The following OPN3 variants were observed in gnomAD, a reference collection of about 807,000 sequenced individuals.
OPN3 encodes opsin 3, also known as opsin-3.
A neutral mutation model predicts 33.8 loss-of-function variants in OPN3; 29 were observed. The ratio of observed to expected loss-of-function variants is 0.86; its 90% confidence interval spans 0.64 to 1.17. The LOEUF (loss-of-function observed/expected upper bound fraction) is 1.17. OPN3 is among the 50% of genes most tolerant of loss of function. The pLI is 0.00. For synonymous variants in OPN3, 216 were observed against 216.1 expected (o/e 1.00, Z 0.00); for missense variants, 437 against 514.1 (o/e 0.85, Z 1.45).
intron 1 of OPN3, chr1:241,631,058 C>T (rs907203647): frequency 6.6e-6 from 1 of 152,152 alleles, no homozygotes; most frequent in African/African-American, 2.4e-5. Context: ...CATGGATAGA[C>T]ATTATTTAAA....
At chr1:241,634,327 A>AG in intron 1 of OPN3, 1 of 1,613,984 alleles carries the variant, frequency 6.2e-7, no homozygotes, top group Non-Finnish European at 8.5e-7. Context: ...GCTCTGCTGG[A>AG]GGAACTATCA....
At chr1:241,634,314 C>T (rs1315212121) in intron 1 of OPN3, 1 of 1,613,866 alleles carries the variant, frequency 6.2e-7, no homozygotes, top group Non-Finnish European at 8.5e-7. Flanking sequence ...GCACAAGCTC[C>T]TGGCTCTGCT....
chr1:241,635,951 T>C (rs757450913), intron 1 of OPN3: 19 of 589,482 alleles, frequency 3.2e-5, no homozygotes, highest in Non-Finnish European at 5.4e-5. Context: ...CATAAAAACA[T>C]GAGCAAGTAC....
At chr1:241,635,735 A>T in intron 1 of OPN3, 1 of 1,613,150 alleles carries the variant, frequency 6.2e-7, no homozygotes, top group Non-Finnish European at 8.5e-7. Flanking sequence ...TATTATAACC[A>T]CATCAAACTC....
At chr1:241,607,825 TATA>T (rs1663882044) in intron 1 of OPN3, among the ~76,000 whole-genome samples, 1 of 152,090 alleles carries the variant, frequency 6.6e-6, no homozygotes, top group African/African-American at 2.4e-5. Flanking sequence ...AAAGTAATGA[TATA>T]ATAGCAAATA....
intron 3 of OPN3, among the ~76,000 whole-genome samples, chr1:241,597,206 T>C (rs1164203928): frequency 1.3e-5 from 2 of 152,160 alleles, no homozygotes; most frequent in East Asian, 3.9e-4. Flanking sequence ...GGCCAATTGC[T>C]ACAAGTATCT....
intron 1 of OPN3, among the ~76,000 whole-genome samples, chr1:241,636,864 AC>A (rs1664917086): frequency 6.6e-6 from 1 of 152,098 alleles, no homozygotes; most frequent in East Asian, 1.9e-4. Context: ...TGTCTCTGCA[AC>A]CCTGAATCTC....
At chr1:241,604,668 T>C in intron 1 of OPN3, 89 bp from the exon 2 acceptor site, 3 of 1,183,448 alleles carry the variant, frequency 2.5e-6, no homozygotes, top group Non-Finnish European at 2.4e-6. Context: ...GGAAATACCT[T>C]ACAGAGTATC....
At position 241,604,297 on chromosome 1, in the gene OPN3, G is replaced by A. The variant is rs1663760474; in HGVS notation, c.656C>T (p.Ala219Val). ...ATATAGAATATGGCCATAGCAATGG[G>A]CTATGACACCCAGGGGCACCACCAG... is the stretch of plus-strand genomic sequence containing the variant. ...GCLVVPLGVI[A>V]HCYGHILYSI... The change falls in exon 2 of 4, where the codon GCC becomes GTC. Residue 219 changes from alanine (A) to valine (V), a missense_variant. Ala to Val is a moderately conservative substitution (Grantham distance 64, BLOSUM62 0). Transcript: ENST00000366554. 1 of 1,613,948 alleles carries A rather than the reference G, an allele frequency of 6.2e-7. No individual in the cohort carries two copies. The highest frequency in any genetic ancestry group is 8.5e-7 in the Non-Finnish European group (1 of 1,179,986).
Position 241,616,864 on chromosome 1 carries a change from G to A in OPN3, c.374-12285C>T, listed in dbSNP as rs115557485. Among the ~76,000 whole-genome samples the A allele has an allele frequency of 3.9e-5, 6 of 152,116 alleles. No homozygotes were observed. In the East Asian group the frequency reaches 1.2e-3, roughly 29 times the overall value. ...ACTCCCTGCTGTTTTTTACCTAAAG[G>A]ATCACTTTTTCAACTCAAAATATGA... On this transcript the variant is annotated intron_variant, in intron 1 of 3. Coordinates refer to ENST00000366554, the MANE Select transcript of OPN3 (RefSeq NM_014322.3).
At chr1:241,613,199 T>G (rs672477) in intron 1 of OPN3, among the ~76,000 whole-genome samples, 28,379 of 152,164 alleles carry the variant, frequency 0.19, 2,739 homozygotes, top group East Asian at 0.34. Context: ...CTAACACTTA[T>G]AGAGAGTACT....
At chr1:241,625,945 G>T (rs527872032) in intron 1 of OPN3, among the ~76,000 whole-genome samples, 1 of 152,304 alleles carries the variant, frequency 6.6e-6, no homozygotes, top group South Asian at 2.1e-4. Flanking sequence ...ATTCCCAGAT[G>T]TGAAAACCAG....
intron 1 of OPN3, chr1:241,632,986 G>T (rs1271793272): frequency 1.3e-5 from 2 of 152,126 alleles, no homozygotes; most frequent in East Asian, 3.9e-4. Flanking sequence ...TTACTTATTG[G>T]AAGCTATTTT....
chr1:241,624,907 C>A (rs1664372988), intron 1 of OPN3, among the ~76,000 whole-genome samples: 1 of 152,188 alleles, frequency 6.6e-6, no homozygotes, highest in African/African-American at 2.4e-5. Flanking sequence ...TTCACATTGT[C>A]TATTTACCCA....
chr1:241,613,474 A>G (rs905494732), intron 1 of OPN3, among the ~76,000 whole-genome samples: 5 of 152,206 alleles, frequency 3.3e-5, no homozygotes, highest in Admixed American at 1.3e-4. Context: ...CAAAAATTTT[A>G]TATTAGTGAT....
intron 2 of OPN3, among the ~76,000 whole-genome samples, chr1:241,599,522 G>T (rs1174463791): frequency 6.6e-6 from 1 of 151,572 alleles, no homozygotes; most frequent in Non-Finnish European, 1.5e-5. Flanking sequence ...GGCAAAAACC[G>T]CAATTACTTT....
chr1:241,633,895 C>T (rs1664753179), intron 1 of OPN3: 2 of 1,613,768 alleles, frequency 1.2e-6, no homozygotes, highest in African/African-American at 1.3e-5. Context: ...GAGCCTCTGG[C>T]TGCTTATCAT....
At chr1:241,629,455 T>C (rs1036002655) in intron 1 of OPN3, 3 of 152,156 alleles carry the variant, frequency 2.0e-5, no homozygotes, top group African/African-American at 7.2e-5. Context: ...ATTTTTTATA[T>C]CATTTATACA....
In OPN3 at chr1:241,625,042, CCA is replaced by C. The variant is rs1314499628; in HGVS notation, c.373+14838_373+14839del. Reference sequence around the variant, plus strand: ...TTAGTTACAATTTCATCTCTGTATCCCAGAGTCTAGCACAGAAACTGGGACAC... The same window carrying C: ...TTAGTTACAATTTCATCTCTGTATCCGAGTCTAGCACAGAAACTGGGACAC... On this transcript the variant is annotated intron_variant, in intron 1 of 3. Transcript: ENST00000366554. Among the ~76,000 whole-genome samples, 13 of 152,250 alleles carry C rather than the reference CCA, an allele frequency of 8.5e-5. No homozygotes were observed. In the East Asian group the frequency reaches 2.1e-3, roughly 25 times the overall value.
Sources: gnomAD v4.1 joint callset for allele counts (sites outside exome capture counted in the v4.1 genomes callset) on GRCh38, gnomAD v4.1.1 for gene constraint, MANE v1.5 for transcripts, NCBI Gene and HGNC (gene_info 2026-07-23, HGNC 2026-07-21) for gene names.